ELOVL5: variants seen among roughly 807,000 people sequenced by gnomAD.
ELOVL5 encodes ELOVL fatty acid elongase 5.
Under a neutral mutation model 38.6 loss-of-function variants are expected in ELOVL5, and 8 were observed. The observed-to-expected ratio is 0.21, with a 90% CI of 0.12 to 0.37. ELOVL5 has a LOEUF of 0.37. Ranked by LOEUF, ELOVL5 falls within the 10% of genes least tolerant of loss-of-function variation. The pLI is 1.00. For synonymous variants in ELOVL5, 127 were observed against 133.7 expected (o/e 0.95, Z 0.34); for missense variants, 280 against 367.8 (o/e 0.76, Z 1.95).
chr6:53,282,839 A>G (rs1766411519), intron 3 of ELOVL5, among the ~76,000 whole-genome samples: 1 of 152,080 alleles, frequency 6.6e-6, no homozygotes, highest in African/African-American at 2.4e-5. Flanking sequence ...TTTTCCCACA[A>G]TAACGTATCT....
intron 1 of ELOVL5, among the ~76,000 whole-genome samples, chr6:53,340,092 C>T (rs943380913): frequency 5.9e-5 from 9 of 151,516 alleles, no homozygotes; most frequent in Admixed American, 5.3e-4. Flanking sequence ...AATAAGGATA[C>T]GAAGAAATAA....
At chr6:53,335,181 T>C (rs1768998639) in intron 1 of ELOVL5, among the ~76,000 whole-genome samples, 1 of 152,204 alleles carries the variant, frequency 6.6e-6, no homozygotes, top group South Asian at 2.1e-4. Flanking sequence ...GTACACTCTC[T>C]CCCAGTGGAT....
At chr6:53,269,898 A>G (rs1401690528) in intron 7 of ELOVL5, among the ~76,000 whole-genome samples, 1 of 152,196 alleles carries the variant, frequency 6.6e-6, no homozygotes, top group Non-Finnish European at 1.5e-5. Flanking sequence ...GAAAGGACAA[A>G]TGTCTGAGCC....
At chr6:53,317,163 G>T (rs1768081002) in intron 1 of ELOVL5, among the ~76,000 whole-genome samples, 1 of 152,184 alleles carries the variant, frequency 6.6e-6, no homozygotes, top group Non-Finnish European at 1.5e-5. Context: ...ACTTCAGGAG[G>T]TTGAATTATT....
At chr6:53,348,750 G>C (rs1041094826) in intron 1 of ELOVL5, 67 bp downstream of exon 1, 2 of 449,290 alleles carry the variant, frequency 4.5e-6, no homozygotes, top group Non-Finnish European at 8.9e-6. Flanking sequence ...TCCCGGCCGC[G>C]CGCTCGCGCG....
intron 1 of ELOVL5, among the ~76,000 whole-genome samples, chr6:53,319,250 G>C (rs1404642764): frequency 9.0e-6 from 1 of 110,992 alleles, no homozygotes; most frequent in Non-Finnish European, 1.7e-5. Context: ...CAGCCTGGGC[G>C]ACAGAGCGAG....
chr6:53,272,739 G>A (rs529482386), intron 6 of ELOVL5, among the ~76,000 whole-genome samples: 1 of 152,130 alleles, frequency 6.6e-6, no homozygotes, highest in East Asian at 1.9e-4. Flanking sequence ...CTCACCAACA[G>A]GTGCTCCACT....
At chr6:53,333,848 T>C (rs1224584414) in intron 1 of ELOVL5, among the ~76,000 whole-genome samples, 2 of 152,140 alleles carry the variant, frequency 1.3e-5, no homozygotes, top group East Asian at 1.9e-4. Context: ...CAGTATTCAC[T>C]GAAAGTCTTT....
intron 3 of ELOVL5, 49 bp from the exon 4 acceptor site, chr6:53,276,305 A>T: frequency 1.6e-6 from 2 of 1,231,958 alleles, no homozygotes; most frequent in East Asian, 4.6e-5. Flanking sequence ...AGCCATGTAA[A>T]GTCCTCATTG....
At chr6:53,311,991 AC>A (rs1324447562) in intron 1 of ELOVL5, among the ~76,000 whole-genome samples, 1 of 152,226 alleles carries the variant, frequency 6.6e-6, no homozygotes, top group Non-Finnish European at 1.5e-5. Flanking sequence ...CTAAGGAAAT[AC>A]AAGCAGATGT....
intron 2 of ELOVL5, among the ~76,000 whole-genome samples, chr6:53,292,533 G>A (rs2127574608): frequency 6.6e-6 from 1 of 152,394 alleles, no homozygotes; most frequent in South Asian, 2.1e-4. Flanking sequence ...GCTCATGCCT[G>A]TAATCCCAGC....
intron 5 of ELOVL5, 83 bp downstream of exon 5, chr6:53,275,007 A>AAC: frequency 7.3e-7 from 1 of 1,366,230 alleles, no homozygotes; most frequent in Admixed American, 2.2e-5. Context: ...CATTTACAGA[A>AAC]ACAGCACCTT....
At chr6:53,296,160 A>G (rs966515535) in intron 1 of ELOVL5, among the ~76,000 whole-genome samples, 1 of 152,122 alleles carries the variant, frequency 6.6e-6, no homozygotes, top group African/African-American at 2.4e-5. Flanking sequence ...TTTATCAATT[A>G]TTATTTTACA....
Position 53,304,176 on chromosome 6 carries a change from C to T in ELOVL5, c.-8-8469G>A, listed in dbSNP as rs866274308. The stretch of plus-strand genomic sequence containing the variant: ...GTGATACTATAAATGAGGAGATACA[C>T]CTGTTATTACAAAATAAAAAGAAAA... On this transcript the variant is annotated intron_variant, in intron 1 of 7. Coordinates refer to ENST00000304434, the MANE Select transcript of ELOVL5 (RefSeq NM_021814.5). Among the ~76,000 whole-genome samples, 11 of 152,294 alleles carry T rather than the reference C, an allele frequency of 7.2e-5. 1 individual carries two copies. In the South Asian group the frequency reaches 2.3e-3, roughly 32 times the overall value.
In ELOVL5 at chr6:53,291,875, T is replaced by C. The variant is rs1224782021; in HGVS notation, c.147A>G (p.Gly49=). The stretch of plus-strand genomic sequence containing the variant: ...GCTGTTTATTCCTCATGTATTTTGG[T>C]CCCAGCCATACAATTAGTAAATATA... ...SVIYLLIVWL[G]PKYMRNKQPF... The change falls in exon 3 of 8, where the codon GGA becomes GGG. Residue 49 remains glycine (G), a synonymous_variant. Coordinates refer to ENST00000304434, the MANE Select transcript of ELOVL5 (RefSeq NM_021814.5). 6.2e-7 allele frequency: 1 copy of C among 1,613,638 alleles called. No individual in the cohort carries two copies. The highest frequency in any genetic ancestry group is 8.5e-7 in the Non-Finnish European group (1 of 1,179,612).
chr6:53,275,041 C>G (rs1766059915), intron 5 of ELOVL5, 49 bp downstream of exon 5: 1 of 1,567,972 alleles, frequency 6.4e-7, no homozygotes, highest in Non-Finnish European at 8.7e-7. Context: ...AGTTTCAACT[C>G]TCCTCCCTGC....
At chr6:53,309,060 G>A (rs888646031) in intron 1 of ELOVL5, among the ~76,000 whole-genome samples, 5 of 152,070 alleles carry the variant, frequency 3.3e-5, no homozygotes, top group South Asian at 2.1e-4. Flanking sequence ...ATTTTTTACC[G>A]GTAAGCTCTT....
chr6:53,277,977 A>G (rs954544659), intron 3 of ELOVL5, among the ~76,000 whole-genome samples: 91 of 152,256 alleles, frequency 6.0e-4, no homozygotes, highest in African/African-American at 2.0e-3. Flanking sequence ...AACCGCGAAT[A>G]AGAAAAATAA....
At chr6:53,341,524 T>C (rs1231061506) in intron 1 of ELOVL5, among the ~76,000 whole-genome samples, 1 of 152,186 alleles carries the variant, frequency 6.6e-6, no homozygotes, top group Non-Finnish European at 1.5e-5. Context: ...TATCTTAGTT[T>C]CCTCATCTGT....
Sources: gnomAD v4.1 joint callset for allele counts (sites outside exome capture counted in the v4.1 genomes callset) on GRCh38, gnomAD v4.1.1 for gene constraint, MANE v1.5 for transcripts, NCBI Gene and HGNC (gene_info 2026-07-23, HGNC 2026-07-21) for gene names.